Variants in SEC14L3 observed in about 807,000 individuals in gnomAD.
SEC14L3 encodes the protein SEC14 like lipid binding 3, also known as SEC14-like protein 3.
In SEC14L3, 56 loss-of-function variants were observed where a neutral mutation model predicts 57.4. The ratio of observed to expected loss-of-function variants is 0.97; its 90% CI spans 0.79 to 1.22. The LOEUF (loss-of-function observed/expected upper bound fraction) is 1.22. Among genes scored for constraint, SEC14L3 ranks in the 50% most tolerant of loss-of-function variants. The probability of loss-of-function intolerance (pLI) is 0.00; values close to 1 mark genes in which losing one functional copy is unlikely to be tolerated. For missense variants in SEC14L3, 485 were observed against 511.7 expected, an observed-to-expected ratio of 0.95 and a Z score of 0.50; for synonymous variants, 173 against 194.4, an observed-to-expected ratio of 0.89 and a Z score of 0.92.
intron 12 of SEC14L3, among the ~76,000 whole-genome samples, chr22:30,451,745 T>C (rs1444037193): frequency 6.6e-6 from 1 of 151,486 alleles, no homozygotes. Context: ...ACCCCAGCAC[T>C]TTGGGAGGCC....
chr22:30,462,288 C>T, intron 8 of SEC14L3, 96 bp from the exon 9 acceptor site: 1 of 1,473,066 alleles, frequency 6.8e-7, no homozygotes, highest in Non-Finnish European at 9.0e-7. Flanking sequence ...GGGAGAAGCC[C>T]TATAGGAGGT....
In SEC14L3 at chr22:30,459,570, C is replaced by T; in HGVS notation, c.*451G>A. 1.0e-6 allele frequency: 1 copy of T among 988,470 alleles called. No homozygotes were observed. Among genetic ancestry groups the T allele is most frequent in the African/African-American group, 1.7e-5 (1 of 57,362 alleles). 61.2% of individuals were successfully genotyped at this position (988,470 alleles called of 1,614,324 possible). A position where few individuals can be genotyped will look rare whatever the true frequency, so the allele number is the denominator to read the frequency against. On this transcript the variant is annotated 3_prime_UTR_variant, in exon 12 of 12. Transcript: ENST00000215812. ...TGTACAGCTGTTGAGTCACCTGCAC[C>T]CTACCTTCTGGTCCTCCATTCAATG...
chr22:30,449,166 G>C lies in SEC14L3; in HGVS notation c.983C>G (p.Ser328Ter). 1.3e-6 allele frequency: 2 copies of C among 1,550,634 alleles called. No homozygotes were observed. Among genetic ancestry groups the C allele is most frequent in the South Asian group, 1.2e-5 (1 of 84,064 alleles). The change falls in exon 13 of 13, where the codon TCA becomes TGA. Residue 328 changes from serine (S) to a stop codon, truncating the protein, a stop_gained. Transcript: ENST00000403066. LOFTEE classifies it high-confidence loss of function. ...TTGGTATGCCATCACTTGCGAGTTT[G>C]AGTGTGAGTTCTGTAGCTCATGGCT...
downstream of SEC14L3, among the ~76,000 whole-genome samples, chr22:30,455,139 AT>A (rs1266236339): frequency 2.4e-4 from 23 of 94,970 alleles, no homozygotes; most frequent in Non-Finnish European, 4.0e-4. Context: ...TATATTTAAT[AT>A]TTAATATATA....
intron 5 of SEC14L3, among the ~76,000 whole-genome samples, 184 bp downstream of exon 5, chr22:30,468,324 C>T (rs1935488359): frequency 6.6e-6 from 1 of 151,488 alleles, no homozygotes; most frequent in Non-Finnish European, 1.5e-5. Context: ...AAGTATCCTT[C>T]AAGAAACTGT....
chr22:30,461,936 A>G, intron 9 of SEC14L3, 150 bp downstream of exon 9: 1 of 1,006,780 alleles, frequency 9.9e-7, no homozygotes, highest in South Asian at 1.5e-5. Context: ...ACAGCTGCTG[A>G]GAGCTCTGTA....
chr22:30,451,161 G>A (rs919282573), intron 12 of SEC14L3, among the ~76,000 whole-genome samples: 1 of 152,220 alleles, frequency 6.6e-6, no homozygotes, highest in South Asian at 2.1e-4. Flanking sequence ...GGGGGCTGCC[G>A]GGGGTGGCGC....
intron 1 of SEC14L3, among the ~76,000 whole-genome samples, chr22:30,471,619 G>T (rs1935614631): frequency 1.3e-5 from 2 of 152,132 alleles, no homozygotes; most frequent in Non-Finnish European, 2.9e-5. Flanking sequence ...TGGCTGCCAG[G>T]TAAACCTCTC....
At chr22:30,455,209 A>AT (rs1935098586), downstream of SEC14L3, among the ~76,000 whole-genome samples, 2 of 122,214 alleles carry the variant, frequency 1.6e-5, no homozygotes, top group South Asian at 2.2e-4. Flanking sequence ...AAATTAATAT[A>AT]AATATTAAAT....
downstream of SEC14L3, among the ~76,000 whole-genome samples, chr22:30,455,082 A>AATATTT (rs1935086808): frequency 2.7e-5 from 1 of 36,520 alleles, no homozygotes; most frequent in African/African-American, 1.4e-4. Context: ...ATAATATATT[A>AATATTT]AATATTTAAT....
At chr22:30,451,253 G>A (rs1331024681) in intron 12 of SEC14L3, among the ~76,000 whole-genome samples, 4 of 152,128 alleles carry the variant, frequency 2.6e-5, no homozygotes, top group East Asian at 1.9e-4. Context: ...TGGAAGATGC[G>A]TGGACAAGAT....
Position 30,468,108 on chromosome 22 carries a change from G to A in SEC14L3, c.423+400C>T, listed in dbSNP as rs540307240. Among the ~76,000 whole-genome samples, 292 of 152,026 alleles carry A rather than the reference G, an allele frequency of 1.9e-3. 1 individual carries two copies. The highest frequency in any genetic ancestry group is 6.9e-3 in the African/African-American group (285 of 41,450). ...ATCCCGGCCAACATGGTGAAACCCC[G>A]TCTGTATTAAAAACACAAAAATTAG... On this transcript the variant is annotated intron_variant, in intron 5 of 11. Transcript: ENST00000215812.
chr22:30,470,044 T>C lies in SEC14L3; in HGVS notation c.209A>G (p.His70Arg). 1 of 1,584,646 alleles carries C rather than the reference T, an allele frequency of 6.3e-7. No individual in the cohort carries two copies. Among genetic ancestry groups the C allele is most frequent in the Non-Finnish European group, 8.6e-7 (1 of 1,164,660 alleles). Residue 70 changes from histidine to arginine, a missense_variant, in exon 4 of 12, where the codon CAT (histidine) becomes CGT (arginine). His to Arg is a conservative substitution (Grantham distance 29). Coordinates refer to ENST00000215812, the MANE Select transcript of SEC14L3 (RefSeq NM_174975.5). ...CTCTGGGGGCTGCCAATCAAGGATA[T>C]GGTCAATATCCATGGTCTTCCGGAA... ...MEFRKTMDID[H>R]ILDWQPPEVI...
chr22:30,460,116 T>C lies in SEC14L3; in HGVS notation c.1108A>G (p.Ser370Gly), dbSNP rs1287849652. The change falls in exon 12 of 12, where the codon AGC (serine) becomes GGC (glycine). Residue 370 changes from serine to glycine, a missense_variant. Physicochemically the swap from Ser to Gly is moderately conservative, Grantham distance 56. Transcript: ENST00000215812. ...CTGACCTTCTTGGCGTGGACAAAGC[T>C]ATAGGTGTTGTCGAAGCGTAGGACA... ...VYVLRFDNTY[S>G]FVHAKKVSFT... The C allele has an allele frequency of 1.2e-6, 2 of 1,614,116 alleles. No individual in the cohort carries two copies. The highest frequency in any genetic ancestry group is 2.2e-5 in the South Asian group (2 of 91,074).
chr22:30,469,614 C>T (rs1341096379), intron 4 of SEC14L3, among the ~76,000 whole-genome samples: 1 of 152,292 alleles, frequency 6.6e-6, no homozygotes, highest in East Asian at 1.9e-4. Flanking sequence ...ATGCTTTAGG[C>T]AATGCCTTAG....
Position 30,464,839 on chromosome 22 carries a change from C to A in SEC14L3, c.645G>T (p.Arg215Ser). The change falls in exon 8 of 12, where the codon AGG (arginine) becomes AGT (serine). Residue 215 changes from arginine (R) to serine (S), a missense_variant. Transcript: ENST00000215812. ...MKPFLSEDTR[R>S]KIIVLGNNWK... is the part of the protein sequence containing the mutation. Reference sequence around the variant, plus strand: ...ACTTACTTCCCAACACAATAATTTTCCTGCGAGTGTCCTCACTCAGGAATG... The same window carrying A: ...ACTTACTTCCCAACACAATAATTTTACTGCGAGTGTCCTCACTCAGGAATG... 2 of 1,614,122 alleles carry A rather than the reference C, an allele frequency of 1.2e-6. No homozygotes were observed. Among genetic ancestry groups the A allele is most frequent in the Non-Finnish European group, 1.7e-6 (2 of 1,180,000 alleles).
At position 30,459,888 on chromosome 22, in the gene SEC14L3, G is replaced by C; in HGVS notation, c.*133C>G. 2.1e-6 allele frequency: 3 copies of C among 1,428,590 alleles called. No individual in the cohort carries two copies. Among genetic ancestry groups the C allele is most frequent in the Middle Eastern group, 4.4e-4 (2 of 4,586 alleles). The allele number at this position is 1,428,590 out of a possible 1,614,324, so 88.5% of individuals were successfully genotyped here. Reference sequence around the variant, plus strand: ...GACCACAGTAGATGAGTTTTCCCCAGGGCATCTCTTTCTGTACTCACTAAC... The same window carrying C: ...GACCACAGTAGATGAGTTTTCCCCACGGCATCTCTTTCTGTACTCACTAAC... On this transcript the variant is annotated 3_prime_UTR_variant, in exon 12 of 12. Coordinates refer to ENST00000215812, the MANE Select transcript of SEC14L3 (RefSeq NM_174975.5).
chr22:30,463,332 C>T (rs1215716223), intron 8 of SEC14L3, among the ~76,000 whole-genome samples: 1 of 152,224 alleles, frequency 6.6e-6, no homozygotes, highest in Admixed American at 6.5e-5. Context: ...ATGGCTAATC[C>T]AGGCTACCCG....
At position 30,461,490 on chromosome 22, in the gene SEC14L3, GA is replaced by G; in HGVS notation, c.912-12del. On this transcript the variant is annotated splice_polypyrimidine_tract_variant and intron_variant, in intron 10 of 11. Coordinates refer to ENST00000215812, the MANE Select transcript of SEC14L3 (RefSeq NM_174975.5). Reference sequence around the variant, plus strand: ...GATGAGAACTGCCACCTGTCAGGGGGAGGGGGAGGAGACAGGTTGCTGCTCA... The same window carrying G: ...GATGAGAACTGCCACCTGTCAGGGGGGGGGGAGGAGACAGGTTGCTGCTCA... The G allele has an allele frequency of 6.2e-7, 1 of 1,611,588 alleles. No individual in the cohort carries two copies. The highest frequency in any genetic ancestry group is 8.5e-7 in the Non-Finnish European group (1 of 1,177,910).
Sources: allele counts gnomAD v4.1 joint callset (sites outside exome capture counted in the v4.1 genomes callset), GRCh38; gene constraint gnomAD v4.1.1; transcripts MANE v1.5; gene names NCBI Gene and HGNC (gene_info 2026-07-23, HGNC 2026-07-21).